GGCT: variants seen among roughly 807,000 people sequenced by gnomAD.
GGCT encodes cytochrome c-releasing factor 21.
A neutral mutation model predicts 22.1 loss-of-function variants in GGCT; 20 were observed. The observed-to-expected ratio is 0.91, with a 90% CI of 0.64 to 1.32. The LOEUF (loss-of-function observed/expected upper bound fraction) is 1.32, where lower values mean the gene tolerates loss of function less well. Among genes scored for constraint, GGCT ranks in the 40% most tolerant of loss-of-function variants. The pLI, the probability that GGCT is intolerant of heterozygous loss-of-function variation, is 0.00. For missense variants in GGCT, 209 were observed against 223.5 expected (o/e 0.94, Z 0.41); for synonymous variants, 72 against 78.4 (o/e 0.92, Z 0.43).
intron 2 of GGCT, among the ~76,000 whole-genome samples, chr7:30,499,451 C>T (rs1789643386): frequency 6.6e-6 from 1 of 151,450 alleles, no homozygotes; most frequent in Non-Finnish European, 1.5e-5. Context: ...CACCTGTAAT[C>T]CTAGCACTTT....
intron 3 of GGCT, chr7:30,497,901 G>C: frequency 7.2e-7 from 1 of 1,387,898 alleles, no homozygotes; most frequent in Admixed American, 2.6e-5. Flanking sequence ...CTCCACCTAG[G>C]GATGAAAAAC....
At chr7:30,498,749 GT>G in intron 3 of GGCT, 53 bp downstream of exon 3, 2 of 1,482,948 alleles carry the variant, frequency 1.3e-6, no homozygotes, top group Non-Finnish European at 1.9e-6. Flanking sequence ...ATATTCTTTA[GT>G]TTCTCTCAGT....
chr7:30,504,343 C>A (rs1789773568), intron 1 of GGCT, among the ~76,000 whole-genome samples: 1 of 152,262 alleles, frequency 6.6e-6, no homozygotes, highest in Non-Finnish European at 1.5e-5. Context: ...GTGCAAAGGC[C>A]AGGAGGGGGA....
At position 30,498,819 on chromosome 7, in the gene GGCT, G is replaced by A. The variant is rs1456914107; in HGVS notation, c.407C>T (p.Ser136Phe). The A allele has an allele frequency of 6.2e-7, 1 of 1,612,954 alleles. No individual in the cohort carries two copies. Among genetic ancestry groups the A allele is most frequent in the African/African-American group, 1.3e-5 (1 of 74,896 alleles). ...LMTNYESAPP[S>F]PQYKKIICMG... ...ATAGCTTACCTTTTTATACTGTGGG[G>A]ATGGGGGAGCACTTTCGTAATTTGT... Residue 136 changes from serine to phenylalanine, a missense_variant, in exon 3 of 4, where the codon TCC (serine) becomes TTC (phenylalanine). Coordinates refer to ENST00000275428, the MANE Select transcript of GGCT (RefSeq NM_024051.4).
At chr7:30,504,478 A>T in intron 1 of GGCT, 91 bp downstream of exon 1, 1 of 1,458,866 alleles carries the variant, frequency 6.9e-7, no homozygotes, top group Admixed American at 1.8e-5. Flanking sequence ...GAAGAACTGC[A>T]TTCCTGGCCC....
At chr7:30,502,177 T>C (rs1294931931) in intron 1 of GGCT, among the ~76,000 whole-genome samples, 1 of 152,236 alleles carries the variant, frequency 6.6e-6, no homozygotes, top group African/African-American at 2.4e-5. Context: ...ACCCTTTGGA[T>C]GCAAGAACTT....
chr7:30,500,733 C>T (rs1472639254), intron 1 of GGCT, 52 bp from the exon 2 acceptor site: 4 of 1,497,474 alleles, frequency 2.7e-6, no homozygotes, highest in Middle Eastern at 2.0e-4. Context: ...ATCCAAATTT[C>T]CCTCATCAAA....
chr7:30,504,488 C>T, intron 1 of GGCT, 81 bp downstream of exon 1: 1 of 1,509,668 alleles, frequency 6.6e-7, no homozygotes, highest in Non-Finnish European at 9.1e-7. Flanking sequence ...ATTCCTGGCC[C>T]GATCGGCCAC....
chr7:30,497,760 C>T, intron 3 of GGCT: 1 of 1,436,948 alleles, frequency 7.0e-7, no homozygotes, highest in East Asian at 2.7e-5. Flanking sequence ...GTGCCATGAC[C>T]TGATTGGGCC....
intron 3 of GGCT, 41 bp from the exon 4 acceptor site, chr7:30,497,276 G>A (rs1789568048): frequency 1.3e-6 from 2 of 1,505,804 alleles, no homozygotes; most frequent in Non-Finnish European, 1.8e-6. Flanking sequence ...AACCCTTTCA[G>A]TTAGGAATAT....
chr7:30,503,529 C>T (rs1393899574), intron 1 of GGCT, among the ~76,000 whole-genome samples: 1 of 152,152 alleles, frequency 6.6e-6, no homozygotes, highest in Non-Finnish European at 1.5e-5. Context: ...GAGGCTGACA[C>T]ATTTGGGTTT....
chr7:30,499,004 C>CT (rs1789630513), intron 2 of GGCT, 66 bp from the exon 3 acceptor site: 2 of 1,415,216 alleles, frequency 1.4e-6, no homozygotes, highest in Non-Finnish European at 2.0e-6. Flanking sequence ...TGGGTAAGGT[C>CT]TTTTTATAAT....
chr7:30,498,826 G>T lies in GGCT; in HGVS notation c.400C>A (p.Pro134Thr), dbSNP rs142543540. The change falls in exon 3 of 4, where the codon CCC becomes ACC. Residue 134 changes from proline to threonine, a missense_variant. By Grantham distance (38) the Pro-to-Thr change is conservative (BLOSUM62 -1). Transcript: ENST00000275428. ...SYLMTNYESA[P>T]PSPQYKKIIC... Reference sequence around the variant, plus strand: ...ACCTTTTTATACTGTGGGGATGGGGGAGCACTTTCGTAATTTGTCATCAGA... The same window carrying T: ...ACCTTTTTATACTGTGGGGATGGGGTAGCACTTTCGTAATTTGTCATCAGA... 1.5e-5 allele frequency: 24 copies of T among 1,613,114 alleles called. No homozygotes were observed. Among genetic ancestry groups the T allele is most frequent in the Non-Finnish European group, 2.0e-5 (24 of 1,179,230 alleles).
chr7:30,500,976 A>G (rs1789688289), intron 1 of GGCT, among the ~76,000 whole-genome samples: 1 of 152,236 alleles, frequency 6.6e-6, no homozygotes, highest in Admixed American at 6.5e-5. Flanking sequence ...CAATGCCTGA[A>G]CACAATTGTT....
rs768008895 is a variant in GGCT, at chr7:30,500,573, A to T, written c.250T>A (p.Trp84Arg). The T allele has an allele frequency of 5.6e-6, 9 of 1,613,642 alleles. No homozygotes were observed. In the African/African-American group the frequency reaches 9.3e-5, roughly 17 times the overall value. ...SPGDEVWGVV[W>R]KMNKSNLNSL... ...TTTAAATTGCTTTTGTTCATTTTCC[A>T]TACTACTCCCCACACTTCATCGCCA... The change falls in exon 2 of 4, where the codon TGG becomes AGG. Residue 84 changes from tryptophan (W) to arginine (R), a missense_variant. Trp to Arg is a moderately radical substitution (Grantham distance 101). Transcript: ENST00000275428.
In GGCT at chr7:30,504,794, G is replaced by T; in HGVS notation, c.-85C>A. ...CAACACTGGGGCCCACTACCCCGGC[G>T]CAGTGACCGCCGCGCGGCAGCCTCA... On this transcript the variant is annotated 5_prime_UTR_variant, in exon 1 of 4. Coordinates refer to ENST00000275428, the MANE Select transcript of GGCT (RefSeq NM_024051.4). The T allele has an allele frequency of 1.5e-6, 2 of 1,372,542 alleles. No individual in the cohort carries two copies. The highest frequency in any genetic ancestry group is 2.1e-6 in the Non-Finnish European group (2 of 972,632). The allele number at this position is 1,372,542 out of a possible 1,614,324, so 85.0% of individuals were successfully genotyped here.
At chr7:30,500,470 A>C (rs1789673135) in intron 2 of GGCT, 66 bp downstream of exon 2, 1 of 1,278,216 alleles carries the variant, frequency 7.8e-7, no homozygotes, top group African/African-American at 1.5e-5. Flanking sequence ...ACACAGGTAC[A>C]CATCCTCACA....
Position 30,504,585 on chromosome 7 carries a change from CAGA to C in GGCT, c.122_124del (p.Phe41del). 1 of 1,613,784 alleles carries C rather than the reference CAGA, an allele frequency of 6.2e-7. No individual in the cohort carries two copies. Among genetic ancestry groups the C allele is most frequent in the Non-Finnish European group, 8.5e-7 (1 of 1,179,860 alleles). ...GGCACTCACCTGCAGGCGGGCCACA[CAGA>C]AGAACGCCGCCGAGGGGTTTCGGAG... is the stretch of plus-strand genomic sequence containing the variant. On this transcript the variant is annotated inframe_deletion, in exon 1 of 4. Coordinates refer to ENST00000275428, the MANE Select transcript of GGCT (RefSeq NM_024051.4).
intron 3 of GGCT, chr7:30,498,006 C>CATATACAT (rs1789595521): frequency 1.0e-5 from 2 of 193,528 alleles, no homozygotes; most frequent in Non-Finnish European, 2.1e-5. Context: ...ATTACAAAAG[C>CATATACAT]ATATATATAT....
Sources: gnomAD v4.1 joint callset for allele counts (sites outside exome capture counted in the v4.1 genomes callset) on GRCh38, gnomAD v4.1.1 for gene constraint, MANE v1.5 for transcripts, NCBI Gene and HGNC (gene_info 2026-07-23, HGNC 2026-07-21) for gene names.